The following PVT1 variants were observed in gnomAD, a reference collection of about 807,000 sequenced individuals.
The protein encoded by PVT1 is Pvt1 oncogene.
intron 2 of PVT1, among the ~76,000 whole-genome samples, chr8:127,873,819 T>C (rs1404688238): frequency 6.6e-6 from 1 of 152,200 alleles, no homozygotes; most frequent in Non-Finnish European, 1.5e-5. Context: ...TGTTGTCCAT[T>C]TTTCCTTTGC....
chr8:127,865,448 C>G (rs1404096963), intron 2 of PVT1, among the ~76,000 whole-genome samples: 1 of 152,078 alleles, frequency 6.6e-6, no homozygotes, highest in African/African-American at 2.4e-5. Flanking sequence ...AGAGGGAGAT[C>G]CTTTTAGATT....
chr8:128,087,924 A>G (rs1284653408), intron 5 of PVT1, among the ~76,000 whole-genome samples: 2 of 151,336 alleles, frequency 1.3e-5, no homozygotes, highest in Non-Finnish European at 2.9e-5. Flanking sequence ...ACACCCGGCT[A>G]TTTTTTGTGT....
At chr8:128,069,078 G>A (rs981362947) in intron 4 of PVT1, among the ~76,000 whole-genome samples, 1 of 152,180 alleles carries the variant, frequency 6.6e-6, no homozygotes. Flanking sequence ...GACATCTGAA[G>A]GGTCATCATG....
In PVT1 at chr8:127,970,296, T is replaced by TTTTTG. The variant is rs1358226581; in HGVS notation, n.783-18862_783-18861insGTTTT. On this transcript the variant is annotated intron_variant and non_coding_transcript_variant, in intron 3 of 10. Coordinates refer to ENST00000651587, the Ensembl canonical transcript of PVT1. Reference sequence around the variant, plus strand: ...CTCCATCTGCCATGATTTGTTTTTTTTTTTTTTTTTTTTTTTTTTGAGATA... The same window carrying TTTTTG: ...CTCCATCTGCCATGATTTGTTTTTTTTTTTGTTTTTTTTTTTTTTTTTTTGAGATA... Among the ~76,000 whole-genome samples the TTTTTG allele has an allele frequency of 1.3e-4, 15 of 119,130 alleles. No individual in the cohort carries two copies. The East Asian group carries it at 3.4e-3, about 27-fold the overall frequency. 78.2% of individuals were successfully genotyped at this position (119,130 alleles called of 152,430 possible). A position where few individuals can be genotyped will look rare whatever the true frequency, so the allele number is the denominator to read the frequency against.
At chr8:127,820,712 T>C (rs1814718386) in intron 2 of PVT1, among the ~76,000 whole-genome samples, 1 of 152,040 alleles carries the variant, frequency 6.6e-6, no homozygotes, top group South Asian at 2.1e-4. Flanking sequence ...GTTTTTTTTT[T>C]TTCTTTTGTG....
intron 3 of PVT1, among the ~76,000 whole-genome samples, chr8:127,974,854 A>C (rs965447217): frequency 2.0e-4 from 31 of 152,332 alleles, no homozygotes; most frequent in African/African-American, 7.5e-4. Context: ...CTTTACATTA[A>C]TTAATGATTT....
At chr8:127,913,202 T>C (rs1422982821) in intron 3 of PVT1, among the ~76,000 whole-genome samples, 5 of 152,226 alleles carry the variant, frequency 3.3e-5, no homozygotes, top group African/African-American at 9.6e-5. Context: ...CCAAGAGCCT[T>C]TCTGTCCAGG....
chr8:127,985,559 C>T (rs545330129), intron 3 of PVT1, among the ~76,000 whole-genome samples: 29 of 152,176 alleles, frequency 1.9e-4, no homozygotes, highest in Admixed American at 3.3e-4. Flanking sequence ...TATGCACTTC[C>T]CACCCTGCCC....
chr8:127,849,668 G>A (rs535621579), intron 2 of PVT1, among the ~76,000 whole-genome samples: 4 of 148,202 alleles, frequency 2.7e-5, no homozygotes, highest in African/African-American at 7.5e-5. Context: ...CTGCGTGCAC[G>A]TGCATGGGTG....
chr8:127,924,771 A>G lies in PVT1; in HGVS notation n.782+33773A>G, dbSNP rs191940474. ...CGTGATCCGCCCACCTCGGCCTCCC[A>G]AAGTGCTGGGATTACAGGTGTGAAC... is the stretch of plus-strand genomic sequence containing the variant. On this transcript the variant is annotated intron_variant and non_coding_transcript_variant, in intron 3 of 10. Coordinates refer to ENST00000651587, the Ensembl canonical transcript of PVT1. Among the ~76,000 whole-genome samples the G allele has an allele frequency of 5.8e-3, 882 of 151,668 alleles. 17 individuals are homozygous for G. Among genetic ancestry groups the G allele is most frequent in the African/African-American group, 0.02 (840 of 41,306 alleles).
intron 6 of PVT1, among the ~76,000 whole-genome samples, chr8:128,100,476 G>A (rs17467210): frequency 0.39 from 59,036 of 151,992 alleles, 14,084 homozygotes; most frequent in Non-Finnish European, 0.54. Flanking sequence ...CTTGAGCTGC[G>A]GTCCAGCAAA....
At chr8:128,017,829 G>A (rs1431731493) in intron 4 of PVT1, among the ~76,000 whole-genome samples, 2 of 152,118 alleles carry the variant, frequency 1.3e-5, no homozygotes, top group Non-Finnish European at 2.9e-5. Flanking sequence ...TGTCAGATGA[G>A]GTCTCTGGGG....
At chr8:127,966,752 G>A (rs777505602) in intron 3 of PVT1, among the ~76,000 whole-genome samples, 45 of 152,300 alleles carry the variant, frequency 3.0e-4, no homozygotes, top group Non-Finnish European at 2.4e-4. Context: ...ATATGTCAGC[G>A]CTGTAAAAGT....
chr8:127,934,445 GCT>G (rs1783666437), intron 3 of PVT1, among the ~76,000 whole-genome samples: 1 of 152,174 alleles, frequency 6.6e-6, no homozygotes, highest in Admixed American at 6.5e-5. Context: ...GATGGTCTGG[GCT>G]CTCTCGGGAT....
chr8:127,905,567 T>A (rs113443988), intron 3 of PVT1, among the ~76,000 whole-genome samples: 1,544 of 152,308 alleles, frequency 0.01, 11 homozygotes, highest in Non-Finnish European at 0.014. Flanking sequence ...TGAATGTGTT[T>A]GTATGAATGT....
intron 4 of PVT1, among the ~76,000 whole-genome samples, chr8:128,034,325 C>T (rs1813435048): frequency 6.6e-6 from 1 of 152,178 alleles, no homozygotes; most frequent in Non-Finnish European, 1.5e-5. Flanking sequence ...ATTCTCTTCC[C>T]TTGGAAAACT....
At chr8:128,090,290 T>G (rs1814334196) in intron 5 of PVT1, among the ~76,000 whole-genome samples, 1 of 152,226 alleles carries the variant, frequency 6.6e-6, no homozygotes, top group African/African-American at 2.4e-5. Context: ...CTGCCTTTGG[T>G]GAGCTTATGG....
intron 3 of PVT1, among the ~76,000 whole-genome samples, chr8:127,899,814 C>A (rs1248151599): frequency 6.6e-6 from 1 of 152,130 alleles, no homozygotes; most frequent in Non-Finnish European, 1.5e-5. Context: ...GCTTCCTTGG[C>A]TTTCCACTGT....
At chr8:128,095,401 G>A (rs1013443847) in intron 5 of PVT1, among the ~76,000 whole-genome samples, 6 of 152,178 alleles carry the variant, frequency 3.9e-5, no homozygotes, top group African/African-American at 1.4e-4. Context: ...CTGGCTGCGG[G>A]TGAGCACTCG....
Sources: allele counts gnomAD v4.1 joint callset (sites outside exome capture counted in the v4.1 genomes callset), GRCh38; gene constraint gnomAD v4.1.1; transcripts MANE v1.5; gene names NCBI Gene and HGNC (gene_info 2026-07-23, HGNC 2026-07-21).